The following IL1RAPL2 variants were observed in gnomAD, a reference collection of about 807,000 sequenced individuals.
IL1RAPL2 encodes X-linked interleukin-1 receptor accessory protein-like 2.
In IL1RAPL2, 3 loss-of-function variants were observed where a neutral mutation model predicts 44.1. The ratio of observed to expected loss-of-function variants is 0.07; its 90% CI spans 0.03 to 0.18. The LOEUF (loss-of-function observed/expected upper bound fraction) is 0.18. Ranked by LOEUF, IL1RAPL2 falls within the 10% of genes least tolerant of loss-of-function variation. The pLI is 1.00. For missense variants in IL1RAPL2, 391 were observed against 496.4 expected (o/e 0.79, Z 2.02); for synonymous variants, 181 against 178.8 (o/e 1.01, Z -0.10).
At chrX:105,019,709 T>G (rs2031250537) in intron 2 of IL1RAPL2, among the ~76,000 whole-genome samples, 1 of 111,800 alleles carries the variant, frequency 8.9e-6, no homozygotes, top group Non-Finnish European at 1.9e-5. Flanking sequence ...CTTATCCTGA[T>G]GTTCAGGGAC....
intron 2 of IL1RAPL2, among the ~76,000 whole-genome samples, chrX:104,776,084 A>G (rs963848571): frequency 6.3e-5 from 7 of 111,935 alleles, no homozygotes; most frequent in Non-Finnish European, 1.9e-5. Context: ...CAACTTACTA[A>G]TTTATTTATT....
chrX:104,763,430 C>A (rs1932500690), intron 2 of IL1RAPL2, among the ~76,000 whole-genome samples: 2 of 112,140 alleles, frequency 1.8e-5, no homozygotes, highest in African/African-American at 6.5e-5. Context: ...TTTCTGTCTT[C>A]TTCTTAGCTC....
At chrX:104,824,916 T>C (rs1389882524) in intron 2 of IL1RAPL2, among the ~76,000 whole-genome samples, 2 of 112,082 alleles carry the variant, frequency 1.8e-5, no homozygotes, top group Non-Finnish European at 3.8e-5. Context: ...ATTTCTTTTT[T>C]TCAAATCACA....
chrX:105,346,657 C>A (rs1438928052), intron 5 of IL1RAPL2, among the ~76,000 whole-genome samples: 1 of 111,569 alleles, frequency 9.0e-6, no homozygotes, highest in Non-Finnish European at 1.9e-5. Flanking sequence ...GGGGACAGGA[C>A]TAACATCAGT....
chrX:104,586,474 A>AT lies in IL1RAPL2; in HGVS notation c.-20+19427dup, dbSNP rs769508194. Among the ~76,000 whole-genome samples, 280 of 111,634 alleles carry AT rather than the reference A, an allele frequency of 2.5e-3. 1 individual carries two copies. The highest frequency in any genetic ancestry group is 8.3e-3 in the African/African-American group (255 of 30,728). ...TAGATCCTATGTTTCAATAAACAAG[A>AT]TTTTCAGGCCAATATTTTGAGAGAT... On this transcript the variant is annotated intron_variant, in intron 1 of 10. Coordinates refer to ENST00000372582, the MANE Select transcript of IL1RAPL2 (RefSeq NM_017416.2).
chrX:105,218,533 G>A (rs1002776064), intron 3 of IL1RAPL2, among the ~76,000 whole-genome samples: 1 of 111,416 alleles, frequency 9.0e-6, no homozygotes, highest in Non-Finnish European at 1.9e-5. Context: ...GATGCGAGTA[G>A]AGGGTGGGGT....
chrX:104,781,036 C>T (rs763048147), intron 2 of IL1RAPL2, among the ~76,000 whole-genome samples: 1 of 108,320 alleles, frequency 9.2e-6, no homozygotes, highest in East Asian at 2.9e-4. Context: ...AGTAGGAAAC[C>T]TCAAAGCAAA....
intron 2 of IL1RAPL2, among the ~76,000 whole-genome samples, chrX:104,908,661 G>A (rs1233077859): frequency 1.8e-5 from 2 of 111,724 alleles, no homozygotes; most frequent in Non-Finnish European, 3.8e-5. Flanking sequence ...TAGGGTTTCT[G>A]CTGAGAGATC....
At chrX:104,667,462 T>C (rs1930504997) in intron 2 of IL1RAPL2, among the ~76,000 whole-genome samples, 1 of 111,405 alleles carries the variant, frequency 9.0e-6, no homozygotes, top group South Asian at 3.9e-4. Context: ...CCAGGCACTT[T>C]ACATACATTG....
intron 2 of IL1RAPL2, among the ~76,000 whole-genome samples, chrX:105,013,446 C>T (rs1341602524): frequency 1.8e-5 from 2 of 110,216 alleles, no homozygotes; most frequent in Non-Finnish European, 1.9e-5. Flanking sequence ...AAAGAGGTAG[C>T]GATACTCTGG....
intron 2 of IL1RAPL2, among the ~76,000 whole-genome samples, chrX:104,694,023 A>G (rs759929586): frequency 8.9e-6 from 1 of 111,971 alleles, no homozygotes; most frequent in Non-Finnish European, 1.9e-5. Context: ...TGTTGGGGAT[A>G]GCAAATATAT....
intron 2 of IL1RAPL2, among the ~76,000 whole-genome samples, chrX:104,716,782 G>A (rs1382420723): frequency 8.9e-6 from 1 of 111,874 alleles, no homozygotes; most frequent in Non-Finnish European, 1.9e-5. Context: ...ACAGATGCTG[G>A]CAAGTTTGTG....
At chrX:105,362,060 C>T (rs2035251932) in intron 5 of IL1RAPL2, among the ~76,000 whole-genome samples, 1 of 111,839 alleles carries the variant, frequency 8.9e-6, no homozygotes, top group East Asian at 2.8e-4. Flanking sequence ...TGCTGAATTC[C>T]TTTATCACCA....
At chrX:104,925,357 G>A (rs1924751324) in intron 2 of IL1RAPL2, among the ~76,000 whole-genome samples, 2 of 110,265 alleles carry the variant, frequency 1.8e-5, no homozygotes, top group Non-Finnish European at 3.8e-5. Flanking sequence ...CATTCTATGA[G>A]GCCAGCATCA....
chrX:104,786,980 TCTC>T (rs1932802720), intron 2 of IL1RAPL2, among the ~76,000 whole-genome samples: 1 of 80,749 alleles, frequency 1.2e-5, no homozygotes, highest in East Asian at 4.3e-4. Context: ...TCTCTCTCTC[TCTC>T]GTATCCCTAT....
At chrX:105,568,063 C>A (rs1202200629) in intron 6 of IL1RAPL2, among the ~76,000 whole-genome samples, 1 of 110,852 alleles carries the variant, frequency 9.0e-6, no homozygotes, top group Non-Finnish European at 1.9e-5. Flanking sequence ...ACTGTCAAAA[C>A]TCTATGTGTG....
intron 5 of IL1RAPL2, among the ~76,000 whole-genome samples, chrX:105,383,996 A>C (rs905471306): frequency 8.9e-5 from 10 of 111,757 alleles, no homozygotes; most frequent in Non-Finnish European, 1.7e-4. Flanking sequence ...AGTCCTTTAT[A>C]TAGTCTGATT....
At chrX:104,964,607 A>C (rs2030082433) in intron 2 of IL1RAPL2, among the ~76,000 whole-genome samples, 1 of 110,449 alleles carries the variant, frequency 9.1e-6, no homozygotes, top group African/African-American at 3.3e-5. Context: ...CACCGTGCCC[A>C]GCCGATTTAT....
rs755983234 is a variant in IL1RAPL2 at position 105,592,819 on chromosome X, C to T, written c.772+108432C>T. On this transcript the variant is annotated intron_variant, in intron 6 of 10. Transcript: ENST00000372582. ...TTCTACTGTTAGCCTGATGGGGTTC[C>T]CTTTGTAAGTGAATTGCCCCATCTC... Among the ~76,000 whole-genome samples, 659 of 111,661 alleles carry T rather than the reference C, an allele frequency of 5.9e-3. 7 individuals carry two copies. Among genetic ancestry groups the T allele is most frequent in the Middle Eastern group, 0.018 (4 of 217 alleles).
Sources: allele counts gnomAD v4.1 joint callset (sites outside exome capture counted in the v4.1 genomes callset), GRCh38; gene constraint gnomAD v4.1.1; transcripts MANE v1.5; gene names NCBI Gene and HGNC (gene_info 2026-07-23, HGNC 2026-07-21).